The following PHLPP1 variants were observed in gnomAD, a reference collection of about 807,000 sequenced individuals.
The protein encoded by PHLPP1 is PH domain and leucine rich repeat protein phosphatase 1.
Under a neutral mutation model 117.2 loss-of-function variants are expected in PHLPP1, and 42 were observed. The observed-to-expected ratio is 0.36, with a 90% CI of 0.28 to 0.46. The LOEUF is 0.46. Ranked by LOEUF, PHLPP1 falls within the 20% of genes least tolerant of loss-of-function variation. The probability of loss-of-function intolerance (pLI) is 1.00; values close to 1 mark genes in which losing one functional copy is unlikely to be tolerated. For synonymous variants in PHLPP1, 1,042 were observed against 970.7 expected, an observed-to-expected ratio of 1.07 and a Z score of -1.37; for missense variants, 2,084 against 2,241.9, an observed-to-expected ratio of 0.93 and a Z score of 1.42.
chr18:62,717,075 G>GCCC lies in PHLPP1; in HGVS notation c.1394_1395insCCC (p.Pro469dup). On this transcript the variant is annotated inframe_insertion, in exon 1 of 17. Coordinates refer to ENST00000262719, the MANE Select transcript of PHLPP1 (RefSeq NM_194449.4). ...GGGTGACCGCGGAGAAGGCGCCTCC[G>GCCC]CCGCCCCCGCCGCCCACCCTGTACG... 1.1e-6 allele frequency: 1 copy of GCCC among 872,688 alleles called. No individual in the cohort carries two copies. Among genetic ancestry groups the GCCC allele is most frequent in the Non-Finnish European group, 1.7e-6 (1 of 586,762 alleles). The allele number at this position is 872,688 out of a possible 1,614,324, so 54.1% of individuals were successfully genotyped here. A position where few individuals can be genotyped will look rare whatever the true frequency, so the allele number is the denominator to read the frequency against.
At chr18:62,956,447 G>A (rs1327438422) in intron 12 of PHLPP1, among the ~76,000 whole-genome samples, 1 of 152,142 alleles carries the variant, frequency 6.6e-6, no homozygotes, top group Non-Finnish European at 1.5e-5. Flanking sequence ...TGGGGATTAA[G>A]TTTCAGCATA....
In PHLPP1 at chr18:62,938,994, C is replaced by CTTTCTT. The variant is rs368316862; in HGVS notation, c.2961-2721_2961-2720insCTTTTT. On this transcript the variant is annotated intron_variant, in intron 10 of 16. Coordinates refer to ENST00000262719, the MANE Select transcript of PHLPP1 (RefSeq NM_194449.4). ...GTCTTTTTTCTTTCTTTCTTTCTTT[C>CTTTCTT]TTTTTTTTTTTTTGAGCCGGAGTTT... 1.3e-4 allele frequency among the ~76,000 whole-genome samples: 17 copies of CTTTCTT among 128,680 alleles called. 2 individuals carry two copies. Among genetic ancestry groups the CTTTCTT allele is most frequent in the Non-Finnish European group, 1.4e-4 (9 of 63,000 alleles). The allele number at this position is 128,680 out of a possible 152,430, so 84.4% of individuals were successfully genotyped here.
chr18:62,836,573 G>C (rs1023210185), intron 2 of PHLPP1, among the ~76,000 whole-genome samples: 1 of 151,832 alleles, frequency 6.6e-6, no homozygotes. Context: ...TTCTGTTACT[G>C]TTCTCATGTG....
At chr18:62,793,976 A>G (rs1271430762) in intron 1 of PHLPP1, among the ~76,000 whole-genome samples, 1 of 152,216 alleles carries the variant, frequency 6.6e-6, no homozygotes, top group African/African-American at 2.4e-5. Flanking sequence ...TGTTGTTGCT[A>G]TCCACATATA....
At chr18:62,809,553 T>C (rs1001831598) in intron 1 of PHLPP1, among the ~76,000 whole-genome samples, 2 of 152,036 alleles carry the variant, frequency 1.3e-5, no homozygotes, top group Admixed American at 1.3e-4. Context: ...ACGAAAAAAA[T>C]TAGCTGGGCG....
At chr18:62,892,082 C>CTTTTTTTTTTTTTTT (rs200141250) in intron 4 of PHLPP1, among the ~76,000 whole-genome samples, 2 of 107,968 alleles carry the variant, frequency 1.9e-5, no homozygotes, top group African/African-American at 7.9e-5. Context: ...TTCTTTCTTT[C>CTTTTTTTTTTTTTTT]TTTTTTTTTT....
At chr18:62,803,206 CTGTT>C (rs1450066129) in intron 1 of PHLPP1, among the ~76,000 whole-genome samples, 20 of 152,170 alleles carry the variant, frequency 1.3e-4, no homozygotes, top group African/African-American at 3.9e-4. Flanking sequence ...AAACATTTGT[CTGTT>C]TATCATTAGT....
chr18:62,831,804 G>A (rs968606670), intron 2 of PHLPP1, among the ~76,000 whole-genome samples: 3 of 152,152 alleles, frequency 2.0e-5, no homozygotes, highest in Non-Finnish European at 4.4e-5. Flanking sequence ...GCCTATGTTA[G>A]TTTTTTCCTC....
intron 10 of PHLPP1, among the ~76,000 whole-genome samples, chr18:62,937,486 T>A (rs1316364238): frequency 1.3e-5 from 2 of 152,236 alleles, no homozygotes; most frequent in Admixed American, 6.5e-5. Flanking sequence ...AAAGGACCTA[T>A]GAAAATGTCC....
At chr18:62,893,641 G>A (rs1916480983) in intron 4 of PHLPP1, among the ~76,000 whole-genome samples, 1 of 152,190 alleles carries the variant, frequency 6.6e-6, no homozygotes, top group South Asian at 2.1e-4. Context: ...TTTAGAGTGT[G>A]TGTGTCTCTT....
intron 12 of PHLPP1, among the ~76,000 whole-genome samples, chr18:62,948,420 C>T (rs1043992646): frequency 6.6e-6 from 1 of 152,194 alleles, no homozygotes; most frequent in Non-Finnish European, 1.5e-5. Context: ...TAGACTCTTG[C>T]TTGGATTCCT....
At chr18:62,760,336 T>C (rs1040679135) in intron 1 of PHLPP1, among the ~76,000 whole-genome samples, 8 of 152,208 alleles carry the variant, frequency 5.3e-5, no homozygotes. Flanking sequence ...TTATATTACT[T>C]GCCTTGGCCC....
At chr18:62,912,909 C>T (rs890094827) in intron 8 of PHLPP1, among the ~76,000 whole-genome samples, 4 of 152,234 alleles carry the variant, frequency 2.6e-5, no homozygotes, top group Admixed American at 2.0e-4. Context: ...GCATGAACCA[C>T]CATGCCCGGC....
intron 1 of PHLPP1, among the ~76,000 whole-genome samples, chr18:62,772,858 C>CT (rs1189883946): frequency 2.3e-5 from 3 of 132,354 alleles, no homozygotes; most frequent in Non-Finnish European, 4.6e-5. Context: ...AAGATTTTCT[C>CT]TTTCTTTTTG....
intron 1 of PHLPP1, among the ~76,000 whole-genome samples, chr18:62,823,180 G>T (rs1296137442): frequency 6.6e-6 from 1 of 151,968 alleles, no homozygotes; most frequent in Non-Finnish European, 1.5e-5. Flanking sequence ...AAATAATTAG[G>T]CTTTATTAAA....
At chr18:62,859,103 GAAAAA>G (rs1915568473) in intron 3 of PHLPP1, among the ~76,000 whole-genome samples, 1 of 152,168 alleles carries the variant, frequency 6.6e-6, no homozygotes, top group Admixed American at 6.5e-5. Flanking sequence ...TTTGGTAAAA[GAAAAA>G]GAGATCAGAC....
chr18:62,974,675 T>C lies in PHLPP1; in HGVS notation c.3756-722T>C, dbSNP rs56336642. 5.1e-3 allele frequency among the ~76,000 whole-genome samples: 773 copies of C among 152,336 alleles called. 6 individuals carry two copies. Among genetic ancestry groups the C allele is most frequent in the African/African-American group, 0.018 (734 of 41,568 alleles). ...ACAAGTAGCTTTGTAAGAGGGGTTT[T>C]TGATTTTTGATTTTCAGAATTTGCA... is the stretch of plus-strand genomic sequence containing the variant. On this transcript the variant is annotated intron_variant, in intron 15 of 16. Coordinates refer to ENST00000262719, the MANE Select transcript of PHLPP1 (RefSeq NM_194449.4).
chr18:62,806,281 G>A (rs151204492), intron 1 of PHLPP1, among the ~76,000 whole-genome samples: 6 of 152,228 alleles, frequency 3.9e-5, no homozygotes, highest in African/African-American at 1.2e-4. Flanking sequence ...ACTCCTTTCT[G>A]CCATTTTGTT....
chr18:62,913,735 CTCTCTTTTTTTTTTT>C (rs904000849), intron 8 of PHLPP1, among the ~76,000 whole-genome samples: 2 of 113,812 alleles, frequency 1.8e-5, no homozygotes, highest in African/African-American at 6.3e-5. Flanking sequence ...AGTTCTCTCT[CTCTCTTTTTTTTTTT>C]TTTTTTTTTT....
Sources: allele counts gnomAD v4.1 joint callset (sites outside exome capture counted in the v4.1 genomes callset), GRCh38; gene constraint gnomAD v4.1.1; transcripts MANE v1.5; gene names NCBI Gene and HGNC (gene_info 2026-07-23, HGNC 2026-07-21).